PGAP1: variants seen among roughly 807,000 people sequenced by gnomAD.
PGAP1 encodes the protein post-GPI attachment to proteins inositol deacylase 1.
A neutral mutation model predicts 127.0 loss-of-function variants in PGAP1; 76 were observed. The observed-to-expected ratio is 0.60, with a 90% CI of 0.50 to 0.72. PGAP1 has a LOEUF of 0.72. Among genes scored for constraint, PGAP1 ranks in the 30% least tolerant of loss-of-function variants. The probability of loss-of-function intolerance (pLI) is 0.00; values close to 1 mark genes in which losing one functional copy is unlikely to be tolerated. For missense variants in PGAP1, 982 were observed against 1,071.3 expected, an observed-to-expected ratio of 0.92 and a Z score of 1.16; for synonymous variants, 362 against 366.5, an observed-to-expected ratio of 0.99 and a Z score of 0.14.
chr2:196,846,445 C>T (rs1700558352), intron 22 of PGAP1, among the ~76,000 whole-genome samples: 1 of 152,056 alleles, frequency 6.6e-6, no homozygotes, highest in Admixed American at 6.6e-5. Context: ...AGCATCACAC[C>T]CACCATAATC....
At chr2:196,892,307 GA>G in intron 9 of PGAP1, 38 bp downstream of exon 9, 4 of 1,006,148 alleles carry the variant, frequency 4.0e-6, no homozygotes, top group Non-Finnish European at 6.0e-6. Flanking sequence ...ATTATTTCTG[GA>G]AAAAACATGA....
At chr2:196,868,208 G>A (rs999866349) in intron 19 of PGAP1, among the ~76,000 whole-genome samples, 1 of 152,140 alleles carries the variant, frequency 6.6e-6, no homozygotes. Context: ...CTTGCATAAG[G>A]CATTTGGAAT....
chr2:196,923,136 A>G (rs796108941), intron 1 of PGAP1, among the ~76,000 whole-genome samples: 26 of 152,054 alleles, frequency 1.7e-4, no homozygotes, highest in African/African-American at 6.3e-4. Flanking sequence ...CTAAAAGGCA[A>G]CCTGTTATCA....
intron 14 of PGAP1, among the ~76,000 whole-genome samples, chr2:196,874,271 A>T (rs1307869404): frequency 6.6e-6 from 1 of 152,170 alleles, no homozygotes; most frequent in African/African-American, 2.4e-5. Context: ...AAAAATATAT[A>T]TAATGATAGA....
intron 22 of PGAP1, 144 bp downstream of exon 22, chr2:196,846,859 C>T: frequency 1.6e-6 from 1 of 644,712 alleles, no homozygotes; most frequent in South Asian, 2.5e-5. Context: ...ACAGACATAA[C>T]TTTGAACACT....
At chr2:196,861,530 T>C (rs536073045) in intron 20 of PGAP1, among the ~76,000 whole-genome samples, 1 of 152,304 alleles carries the variant, frequency 6.6e-6, no homozygotes, top group African/African-American at 2.4e-5. Flanking sequence ...CAGACATTTC[T>C]CAACAGAAGA....
At chr2:196,853,910 ATTT>A (rs59361073) in intron 20 of PGAP1, among the ~76,000 whole-genome samples, 28 of 130,400 alleles carry the variant, frequency 2.1e-4, no homozygotes, top group Admixed American at 3.9e-4. Flanking sequence ...CCAAAGATGA[ATTT>A]TTTTTTTTTT....
chr2:196,920,129 G>T lies in PGAP1; in HGVS notation c.169C>A (p.Leu57Met). 2.5e-6 allele frequency: 4 copies of T among 1,604,324 alleles called. No homozygotes were observed. Among genetic ancestry groups the T allele is most frequent in the Non-Finnish European group, 2.6e-6 (3 of 1,176,346 alleles). ...TCATATGCGGGATAGCGTTTTGCCA[G>T]TTTCTTTGGAAGTTCTATTTTCTAC... ...EYQKIELPKKLAKRYPAYELY... is the reference protein window; with the variant it reads ...EYQKIELPKKMAKRYPAYELY... The change falls in exon 2 of 27, where the codon CTG becomes ATG. Residue 57 changes from leucine (L) to methionine (M), a missense_variant. Physicochemically the swap from Leu to Met is conservative, Grantham distance 15. Transcript: ENST00000354764.
intron 4 of PGAP1, among the ~76,000 whole-genome samples, chr2:196,904,152 G>A (rs1182353483): frequency 6.6e-6 from 1 of 152,116 alleles, no homozygotes; most frequent in Non-Finnish European, 1.5e-5. Flanking sequence ...AAATAACCTG[G>A]AAGGCCAGGT....
intron 20 of PGAP1, among the ~76,000 whole-genome samples, chr2:196,857,087 G>T (rs1700910400): frequency 6.6e-6 from 1 of 152,128 alleles, no homozygotes; most frequent in Non-Finnish European, 1.5e-5. Flanking sequence ...ATCGAAATAG[G>T]AAGAGAGGAA....
chr2:196,916,263 G>A (rs780219477), intron 3 of PGAP1, among the ~76,000 whole-genome samples, 155 bp downstream of exon 3: 4 of 152,010 alleles, frequency 2.6e-5, no homozygotes, highest in African/African-American at 4.8e-5. Context: ...AAACCATTAC[G>A]GAGGCCAAGA....
intron 9 of PGAP1, 149 bp downstream of exon 9, chr2:196,892,197 A>G (rs1002323469): frequency 2.0e-6 from 1 of 505,328 alleles, no homozygotes; most frequent in African/African-American, 2.0e-5. Flanking sequence ...AAAACTGATT[A>G]CTGACTAGAT....
chr2:196,864,304 C>G (rs911966288), intron 20 of PGAP1, among the ~76,000 whole-genome samples: 1 of 139,684 alleles, frequency 7.2e-6, no homozygotes. Flanking sequence ...GCAGTAGAAT[C>G]ACATGAACCA....
chr2:196,853,476 C>T (rs1700781714), intron 20 of PGAP1, among the ~76,000 whole-genome samples: 1 of 152,100 alleles, frequency 6.6e-6, no homozygotes, highest in Non-Finnish European at 1.5e-5. Flanking sequence ...GTTTATATTC[C>T]TCTATAATAT....
intron 20 of PGAP1, among the ~76,000 whole-genome samples, chr2:196,851,899 C>T (rs1196602377): frequency 6.6e-6 from 1 of 152,098 alleles, no homozygotes; most frequent in African/African-American, 2.4e-5. Context: ...CGAGTTTCTA[C>T]GGAATTTACA....
Position 196,838,361 on chromosome 2 carries a change from C to T in PGAP1, c.*2873G>A, listed in dbSNP as rs958151950. On this transcript the variant is annotated 3_prime_UTR_variant, in exon 27 of 27. Coordinates refer to ENST00000354764, the MANE Select transcript of PGAP1 (RefSeq NM_024989.4). ...TGCTAATAGGGCAGTGCTGTTTAAC[C>T]AGCCAATAATATAGATTGTGGGCAT... The T allele has an allele frequency of 6.6e-6, 1 of 152,130 alleles. No homozygotes were observed. The highest frequency in any genetic ancestry group is 1.5e-5 in the Non-Finnish European group (1 of 68,020). 9.4% of individuals were successfully genotyped at this position (152,130 alleles called of 1,614,324 possible).
chr2:196,845,514 T>A (rs541281099), intron 23 of PGAP1, among the ~76,000 whole-genome samples: 1 of 151,914 alleles, frequency 6.6e-6, no homozygotes, highest in East Asian at 1.9e-4. Context: ...TTGATCCTAC[T>A]GACATCACTT....
intron 20 of PGAP1, among the ~76,000 whole-genome samples, chr2:196,858,865 G>C (rs1291160533): frequency 6.6e-6 from 1 of 152,054 alleles, no homozygotes; most frequent in African/African-American, 2.4e-5. Flanking sequence ...GACAAAGAAA[G>C]AGTTATTACA....
intron 20 of PGAP1, among the ~76,000 whole-genome samples, chr2:196,853,910 ATTTT>A (rs59361073): frequency 5.4e-5 from 7 of 130,406 alleles, no homozygotes; most frequent in Admixed American, 7.7e-5. Context: ...CCAAAGATGA[ATTTT>A]TTTTTTTTTT....
Sources: allele counts gnomAD v4.1 joint callset (sites outside exome capture counted in the v4.1 genomes callset), GRCh38; gene constraint gnomAD v4.1.1; transcripts MANE v1.5; gene names NCBI Gene and HGNC (gene_info 2026-07-23, HGNC 2026-07-21).